Variants in IQSEC1 observed in about 807,000 individuals in gnomAD.
The protein encoded by IQSEC1 is IQ motif and SEC7 domain-containing protein 1.
A neutral mutation model predicts 91.0 loss-of-function variants in IQSEC1; 31 were observed. The ratio of observed to expected loss-of-function variants is 0.34; its 90% CI spans 0.26 to 0.46. The LOEUF is 0.46. Ranked by LOEUF, IQSEC1 falls within the 20% of genes least tolerant of loss-of-function variation. IQSEC1 has a pLI of 1.00. For synonymous variants in IQSEC1, 699 were observed against 662.6 expected, an observed-to-expected ratio of 1.05 and a Z score of -0.84; for missense variants, 1,388 against 1,575.6, an observed-to-expected ratio of 0.88 and a Z score of 2.02.
chr3:12,953,296 G>T (rs571571483), intron 1 of IQSEC1, among the ~76,000 whole-genome samples: 8 of 152,332 alleles, frequency 5.3e-5, no homozygotes, highest in African/African-American at 1.7e-4. Context: ...GACCCGATCC[G>T]CGAGGGACAC....
At chr3:13,084,210 C>A in intron 2 of IQSEC1, among the ~76,000 whole-genome samples, 1 of 152,266 alleles carries the variant, frequency 6.6e-6, no homozygotes, top group South Asian at 2.1e-4. Context: ...CTGCACCTGA[C>A]GACCTGGGGC....
intron 2 of IQSEC1, among the ~76,000 whole-genome samples, chr3:13,111,613 A>G (rs114381358): frequency 0.011 from 1,734 of 152,242 alleles, 22 homozygotes; most frequent in African/African-American, 0.03. Flanking sequence ...CTAACCCCCA[A>G]TGTGACAGTA....
chr3:13,132,626 T>C (rs937812398), intron 2 of IQSEC1, among the ~76,000 whole-genome samples: 11 of 152,188 alleles, frequency 7.2e-5, no homozygotes, highest in African/African-American at 2.7e-4. Flanking sequence ...ACCTGAACAC[T>C]CCCCTAAGGC....
intron 1 of IQSEC1, among the ~76,000 whole-genome samples, chr3:13,250,113 A>G (rs1005415929): frequency 2.0e-5 from 3 of 152,248 alleles, no homozygotes; most frequent in African/African-American, 7.2e-5. Flanking sequence ...CAGTTATGAC[A>G]TAACCTTCTT....
intron 1 of IQSEC1, among the ~76,000 whole-genome samples, chr3:13,168,671 C>T (rs903759815): frequency 6.6e-6 from 1 of 152,208 alleles, no homozygotes; most frequent in Non-Finnish European, 1.5e-5. Context: ...TCTGCCCTCA[C>T]ACAGCCAAGC....
chr3:13,091,200 G>C (rs1705855517), intron 2 of IQSEC1, among the ~76,000 whole-genome samples: 1 of 152,140 alleles, frequency 6.6e-6, no homozygotes, highest in African/African-American at 2.4e-5. Flanking sequence ...CGCTCACTCA[G>C]GTGCATGCCT....
intron 1 of IQSEC1, among the ~76,000 whole-genome samples, chr3:13,170,291 G>A (rs906265201): frequency 1.3e-5 from 2 of 152,280 alleles, no homozygotes; most frequent in Admixed American, 6.5e-5. Flanking sequence ...GGGTTTGGGG[G>A]CCTCTGCCTA....
At chr3:13,165,907 C>T (rs1374909602) in intron 1 of IQSEC1, among the ~76,000 whole-genome samples, 2 of 152,176 alleles carry the variant, frequency 1.3e-5, no homozygotes, top group Admixed American at 1.3e-4. Flanking sequence ...CCGGGCCCCG[C>T]TTACGGACAT....
At chr3:13,098,777 G>A (rs1706007663) in intron 2 of IQSEC1, among the ~76,000 whole-genome samples, 1 of 152,162 alleles carries the variant, frequency 6.6e-6, no homozygotes, top group South Asian at 2.1e-4. Context: ...TAAATTCAAG[G>A]TTACCAGGGA....
At chr3:12,998,886 G>T (rs1342126429) in intron 1 of IQSEC1, among the ~76,000 whole-genome samples, 1 of 152,088 alleles carries the variant, frequency 6.6e-6, no homozygotes, top group Non-Finnish European at 1.5e-5. Flanking sequence ...CAGGATCAAG[G>T]CCAAGGCTGA....
chr3:13,099,212 G>A (rs1198980227), intron 2 of IQSEC1, among the ~76,000 whole-genome samples: 2 of 152,208 alleles, frequency 1.3e-5, no homozygotes, highest in East Asian at 3.8e-4. Context: ...GAGGGGTGAG[G>A]AGAGGCAAGT....
intron 2 of IQSEC1, among the ~76,000 whole-genome samples, chr3:13,085,486 G>T (rs1341228743): frequency 1.3e-5 from 2 of 152,172 alleles, no homozygotes; most frequent in African/African-American, 4.8e-5. Context: ...ACGTAAGAAG[G>T]ATAGTGTGTT....
rs73813752 is a variant in IQSEC1 at position 12,975,300 on chromosome 3, C to T, written c.24-33435G>A. ...CCATAGTGGGGATGCTCATGGCTTA[C>T]GGAGGCTCCATGTTCTGGAGCATGA... On this transcript the variant is annotated intron_variant, in intron 1 of 13. Coordinates refer to ENST00000613206, the MANE Select transcript of IQSEC1 (RefSeq NM_001134382.3). 2.3e-3 allele frequency among the ~76,000 whole-genome samples: 344 copies of T among 152,334 alleles called. 3 individuals are homozygous for T. Among genetic ancestry groups the T allele is most frequent in the African/African-American group, 7.5e-3 (310 of 41,568 alleles).
chr3:13,191,284 C>T (rs1694025285), intron 1 of IQSEC1, among the ~76,000 whole-genome samples: 1 of 152,218 alleles, frequency 6.6e-6, no homozygotes, highest in Non-Finnish European at 1.5e-5. Context: ...GACTGCAACC[C>T]AGACCTCTCC....
At position 13,201,015 on chromosome 3, in the gene IQSEC1, G is replaced by A. The variant is rs557972415; in HGVS notation, c.273-36882C>T. ...CCTAGTCCCTGAGCCCTGCCTCACT[G>A]CACAGCTTCAATGACAAGCAGCTGC... On this transcript the variant is annotated intron_variant, in intron 1 of 15. Transcript: ENST00000648114. Among the ~76,000 whole-genome samples the A allele has an allele frequency of 4.6e-5, 7 of 152,334 alleles. No homozygotes were observed. In the East Asian group the frequency reaches 1.4e-3, roughly 29 times the overall value.
intron 2 of IQSEC1, among the ~76,000 whole-genome samples, chr3:13,159,676 G>A (rs959133215): frequency 3.3e-5 from 5 of 152,144 alleles, no homozygotes; most frequent in Non-Finnish European, 5.9e-5. Flanking sequence ...ACAAGGGTGC[G>A]GGTGGTTGTG....
At chr3:13,275,651 C>T (rs939867295) in intron 1 of IQSEC1, among the ~76,000 whole-genome samples, 7 of 152,242 alleles carry the variant, frequency 4.6e-5, no homozygotes, top group African/African-American at 1.7e-4. Flanking sequence ...GGTGGTCACT[C>T]GCTTCGTGCT....
intron 1 of IQSEC1, among the ~76,000 whole-genome samples, chr3:13,252,924 G>T (rs1695222324): frequency 6.6e-6 from 1 of 152,124 alleles, no homozygotes; most frequent in Non-Finnish European, 1.5e-5. Flanking sequence ...AGTAGTGACG[G>T]AGTTTCACCT....
At chr3:13,216,068 G>A (rs917957934) in intron 1 of IQSEC1, among the ~76,000 whole-genome samples, 1 of 152,242 alleles carries the variant, frequency 6.6e-6, no homozygotes, top group East Asian at 1.9e-4. Context: ...GGCTGGGCAG[G>A]CCCTCCAGAG....
Sources: allele counts gnomAD v4.1 joint callset (sites outside exome capture counted in the v4.1 genomes callset), GRCh38; gene constraint gnomAD v4.1.1; transcripts MANE v1.5; gene names NCBI Gene and HGNC (gene_info 2026-07-23, HGNC 2026-07-21).